LIPA: variants seen among roughly 807,000 people sequenced by gnomAD.
The protein encoded by LIPA is lysosomal acid lipase/cholesteryl ester hydrolase.
A neutral mutation model predicts 40.6 loss-of-function variants in LIPA; 26 were observed. The ratio of observed to expected loss-of-function variants is 0.64; its 90% confidence interval spans 0.47 to 0.89. LIPA has a LOEUF of 0.89. Ranked by LOEUF, LIPA falls within the 40% of genes least tolerant of loss-of-function variation. LIPA has a pLI of 0.00. For missense variants in LIPA, 455 were observed against 479.6 expected (o/e 0.95, Z 0.48); for synonymous variants, 188 against 168.4 (o/e 1.12, Z -0.90).
At chr10:89,378,271 G>C in intron 2 of LIPA, 1 of 839,140 alleles carries the variant, frequency 1.2e-6, no homozygotes. Context: ...GACCCTGATA[G>C]GCACCCTCAA....
chr10:89,292,443 A>G (rs926476210), intron 1 of LIPA: 3 of 152,250 alleles, frequency 2.0e-5, no homozygotes, highest in African/African-American at 7.2e-5. Context: ...CTATAGTCAA[A>G]GCTCCACATT....
At chr10:89,294,079 A>C (rs1843394413) in intron 1 of LIPA, among the ~76,000 whole-genome samples, 1 of 152,238 alleles carries the variant, frequency 6.6e-6, no homozygotes, top group South Asian at 2.1e-4. Context: ...TGAATGAATG[A>C]ATGAAACAAA....
At chr10:89,385,687 T>C (rs929824848) in intron 2 of LIPA, among the ~76,000 whole-genome samples, 3 of 152,226 alleles carry the variant, frequency 2.0e-5, no homozygotes, top group Non-Finnish European at 4.4e-5. Flanking sequence ...GGCCCTACTG[T>C]AGCTGGGACC....
chr10:89,388,785 C>A (rs1357672502), intron 2 of LIPA, among the ~76,000 whole-genome samples: 5 of 144,400 alleles, frequency 3.5e-5, no homozygotes, highest in Admixed American at 2.1e-4. Flanking sequence ...TCAAAATATG[C>A]CTGAAATGTA....
chr10:89,371,425 T>A (rs1327069984), intron 2 of LIPA, among the ~76,000 whole-genome samples: 1 of 152,224 alleles, frequency 6.6e-6, no homozygotes, highest in East Asian at 1.9e-4. Context: ...ATCCAAAATG[T>A]CTTCTATGAG....
intron 1 of LIPA, among the ~76,000 whole-genome samples, chr10:89,289,151 C>A (rs1843358064): frequency 6.6e-6 from 1 of 152,246 alleles, no homozygotes; most frequent in Non-Finnish European, 1.5e-5. Context: ...AAACTTCCAC[C>A]TATCAATCTC....
At chr10:89,398,075 T>G (rs1421795053) in intron 2 of LIPA, among the ~76,000 whole-genome samples, 3 of 152,088 alleles carry the variant, frequency 2.0e-5, no homozygotes, top group Non-Finnish European at 4.4e-5. Flanking sequence ...CATTTCCTAT[T>G]CCCTCCTCCC....
chr10:89,383,953 C>T (rs781289875), intron 2 of LIPA: 1 of 1,614,124 alleles, frequency 6.2e-7, no homozygotes, highest in Non-Finnish European at 8.5e-7. Flanking sequence ...CAGGCTAAAT[C>T]CAGATGATGT....
chr10:89,243,338 T>C (rs1036640752), intron 3 of LIPA, among the ~76,000 whole-genome samples: 5 of 152,206 alleles, frequency 3.3e-5, no homozygotes, highest in African/African-American at 1.2e-4. Flanking sequence ...TTGTTCACTG[T>C]AGACTTCCTT....
In LIPA at chr10:89,387,772, A is replaced by C. The variant is rs76881349; in HGVS notation, c.61+25019T>G. ...GCAAAAGAAAATATAAAATAAATGG[A>C]TGGGTGGATAGAGAAATGAGTGGAT... On this transcript the variant is annotated intron_variant, in intron 2 of 8. Transcript: ENST00000371837. Among the ~76,000 whole-genome samples, 43 of 152,362 alleles carry C rather than the reference A, an allele frequency of 2.8e-4. No individual in the cohort carries two copies. In the East Asian group the frequency reaches 7.7e-3, roughly 27 times the overall value.
At chr10:89,344,027 T>A (rs1843895094), upstream of LIPA, among the ~76,000 whole-genome samples, 1 of 152,164 alleles carries the variant, frequency 6.6e-6, no homozygotes, top group African/African-American at 2.4e-5. Context: ...ATCTCTACAG[T>A]GTTGGGAAAA....
intron 1 of LIPA, among the ~76,000 whole-genome samples, chr10:89,290,607 C>G (rs368198720): frequency 2.3e-4 from 35 of 152,336 alleles, no homozygotes; most frequent in African/African-American, 8.4e-4. Context: ...TGAAAACGTC[C>G]TGTCCCTGCC....
intron 2 of LIPA, among the ~76,000 whole-genome samples, chr10:89,407,046 C>G (rs1249499111): frequency 6.6e-6 from 1 of 152,142 alleles, no homozygotes; most frequent in Non-Finnish European, 1.5e-5. Context: ...TCTCTAACAA[C>G]CCCCAACTCT....
At chr10:89,334,470 CTTTTATTCTTTTTTTTT>C (rs1843698893) in intron 1 of LIPA, among the ~76,000 whole-genome samples, 1 of 59,184 alleles carries the variant, frequency 1.7e-5, no homozygotes, top group South Asian at 4.5e-4. Context: ...TCTTCTTTTT[CTTTTATTCTTTTTTTTT>C]TTTTTTTTTT....
intron 1 of LIPA, among the ~76,000 whole-genome samples, chr10:89,294,867 A>G (rs561822328): frequency 6.6e-6 from 1 of 152,136 alleles, no homozygotes; most frequent in East Asian, 1.9e-4. Context: ...CCAGCTACTC[A>G]GGAGACTGAG....
intron 2 of LIPA, among the ~76,000 whole-genome samples, chr10:89,398,047 C>T (rs955927348): frequency 1.3e-5 from 2 of 152,196 alleles, no homozygotes; most frequent in African/African-American, 2.4e-5. Context: ...AACTGAAATT[C>T]TGTACTCATT....
At chr10:89,317,237 G>A (rs1843545996) in intron 1 of LIPA, among the ~76,000 whole-genome samples, 1 of 152,252 alleles carries the variant, frequency 6.6e-6, no homozygotes, top group African/African-American at 2.4e-5. Flanking sequence ...GAGAGAAGAA[G>A]GCTGCAGACA....
At chr10:89,300,027 C>T (rs111615851) in intron 1 of LIPA, among the ~76,000 whole-genome samples, 2 of 152,172 alleles carry the variant, frequency 1.3e-5, no homozygotes, top group African/African-American at 4.8e-5. Flanking sequence ...AGGTGCTCAT[C>T]AGTGAACAAA....
intron 1 of LIPA, among the ~76,000 whole-genome samples, chr10:89,331,475 C>T (rs1280060852): frequency 1.3e-5 from 2 of 152,106 alleles, no homozygotes; most frequent in African/African-American, 2.4e-5. Context: ...GCCTGGCCAA[C>T]ATTTTCCATA....
Sources: allele counts gnomAD v4.1 joint callset (sites outside exome capture counted in the v4.1 genomes callset), GRCh38; gene constraint gnomAD v4.1.1; transcripts MANE v1.5; gene names NCBI Gene and HGNC (gene_info 2026-07-23, HGNC 2026-07-21).